Variants in ZCCHC14 observed in about 807,000 individuals in gnomAD.
ZCCHC14 encodes the protein zinc finger CCHC domain-containing protein 14.
In ZCCHC14, 16 loss-of-function variants were observed where a neutral mutation model predicts 85.0. The observed-to-expected ratio is 0.19, with a 90% CI of 0.13 to 0.29. The LOEUF (loss-of-function observed/expected upper bound fraction) is 0.29, where lower values mean the gene tolerates loss of function less well. ZCCHC14 is among the 10% of genes least tolerant of loss of function. The pLI, the probability that ZCCHC14 is intolerant of heterozygous loss-of-function variation, is 1.00. For missense variants in ZCCHC14, 1,303 were observed against 1,443.5 expected (o/e 0.90, Z 1.58); for synonymous variants, 775 against 630.7 (o/e 1.23, Z -3.43).
At position 87,410,115 on chromosome 16, in the gene ZCCHC14, C is replaced by G; in HGVS notation, c.*165G>C. The G allele has an allele frequency of 2.0e-6, 1 of 511,020 alleles. No individual in the cohort carries two copies. Among genetic ancestry groups the G allele is most frequent in the Non-Finnish European group, 3.5e-6 (1 of 288,090 alleles). 31.7% of individuals were successfully genotyped at this position (511,020 alleles called of 1,614,324 possible). On this transcript the variant is annotated 3_prime_UTR_variant, in exon 13 of 13. Transcript: ENST00000671377. ...CCAATCTAGGGTTTTGGCAATAAAT[C>G]GAGTTTGATGCACTTCTACGCTAGA...
intron 1 of ZCCHC14, among the ~76,000 whole-genome samples, chr16:87,488,642 T>C (rs954073683): frequency 3.3e-5 from 5 of 152,208 alleles, no homozygotes; most frequent in African/African-American, 1.2e-4. Context: ...AGTGGCATGA[T>C]CATACCTCAC....
intron 1 of ZCCHC14, among the ~76,000 whole-genome samples, chr16:87,461,890 CTAACAGATCCCACGCGGCT>C (rs1486622546): frequency 6.6e-6 from 1 of 152,242 alleles, no homozygotes; most frequent in Non-Finnish European, 1.5e-5. Flanking sequence ...GGGAGAGGGA[CTAACAGATCCCACGCGGCT>C]CAACAGATGC....
At chr16:87,446,182 A>G (rs1910428663) in intron 2 of ZCCHC14, among the ~76,000 whole-genome samples, 1 of 151,726 alleles carries the variant, frequency 6.6e-6, no homozygotes, top group Admixed American at 6.6e-5. Context: ...AAAAAAAAAA[A>G]AAGACTTAAA....
At chr16:87,424,396 C>A (rs183297177) in intron 3 of ZCCHC14, among the ~76,000 whole-genome samples, 4 of 152,272 alleles carry the variant, frequency 2.6e-5, no homozygotes, top group Non-Finnish European at 4.4e-5. Flanking sequence ...TTGATAGCAA[C>A]AGGACAGGGC....
Position 87,492,415 on chromosome 16 carries a change from C to G in ZCCHC14, c.-177G>C, listed in dbSNP as rs1176212122. ...CGGGCGCCGGGGCGGGGGCGGGGACCGGGGCCGGGCAAGGCTCCCGTCAGG... is the reference window on the plus strand; with the variant it reads ...CGGGCGCCGGGGCGGGGGCGGGGACGGGGGCCGGGCAAGGCTCCCGTCAGG... On this transcript the variant is annotated 5_prime_UTR_variant, in exon 1 of 13. Coordinates refer to ENST00000671377, the MANE Select transcript of ZCCHC14 (RefSeq NM_015144.3). This position sits in a 1 kb window ranked among gnomAD's most constrained non-coding sequence, Gnocchi z 6.7. The G allele has an allele frequency of 7.0e-6, 1 of 142,346 alleles. No individual in the cohort carries two copies. 8.8% of individuals were successfully genotyped at this position (142,346 alleles called of 1,614,324 possible).
chr16:87,440,410 C>A (rs1004448375), intron 2 of ZCCHC14, among the ~76,000 whole-genome samples: 4 of 152,150 alleles, frequency 2.6e-5, no homozygotes, highest in Non-Finnish European at 4.4e-5. Flanking sequence ...AGTGATCCAC[C>A]CACCTTGGCC....
rs536571551 is a variant in ZCCHC14, at chr16:87,420,445, G to A, written c.950+162C>T. On this transcript the variant is annotated intron_variant, in intron 5 of 12. Coordinates refer to ENST00000671377, the MANE Select transcript of ZCCHC14 (RefSeq NM_015144.3). The surrounding 1 kb of genome is among the most constrained non-coding windows in gnomAD (Gnocchi z 5.0). The stretch of plus-strand genomic sequence containing the variant: ...CACTCTCAGCTTACTGAGGGCTCCC[G>A]AATCCTCCAGAACTAATGGAAATCC... Among the ~76,000 whole-genome samples, 26 of 152,240 alleles carry A rather than the reference G, an allele frequency of 1.7e-4. No individual in the cohort carries two copies. Among genetic ancestry groups the A allele is most frequent in the Admixed American group, 3.3e-4 (5 of 15,294 alleles).
At chr16:87,485,777 G>A (rs1283095883) in intron 1 of ZCCHC14, among the ~76,000 whole-genome samples, 1 of 152,138 alleles carries the variant, frequency 6.6e-6, no homozygotes, top group Non-Finnish European at 1.5e-5. Flanking sequence ...GCTGGACTCT[G>A]AAGTTTTAAG....
rs373832070 is a variant in ZCCHC14 at position 87,428,114 on chromosome 16, C to G, written c.769-4233G>C. On this transcript the variant is annotated intron_variant, in intron 3 of 12. Coordinates refer to ENST00000671377, the MANE Select transcript of ZCCHC14 (RefSeq NM_015144.3). ...GTTTGATTTCCTCAGCAACGAGGAACTAGCGATTATAATTTCAGCAAAATC... is the reference window on the plus strand; with the variant it reads ...GTTTGATTTCCTCAGCAACGAGGAAGTAGCGATTATAATTTCAGCAAAATC... 7.2e-5 allele frequency among the ~76,000 whole-genome samples: 11 copies of G among 152,236 alleles called. No homozygotes were observed. In the East Asian group the frequency reaches 1.3e-3, roughly 19 times the overall value.
At chr16:87,444,617 G>A (rs749969718) in intron 2 of ZCCHC14, among the ~76,000 whole-genome samples, 2 of 152,190 alleles carry the variant, frequency 1.3e-5, no homozygotes, top group Admixed American at 1.3e-4. Flanking sequence ...TGAGAGCAGC[G>A]TAGCATGTTC....
At chr16:87,477,183 G>C (rs58867198) in intron 1 of ZCCHC14, among the ~76,000 whole-genome samples, 2,743 of 139,512 alleles carry the variant, frequency 0.02, 102 homozygotes, top group African/African-American at 0.074. Context: ...GAAAACACCA[G>C]ATGACACACT....
At position 87,409,957 on chromosome 16, in the gene ZCCHC14, G is replaced by A. The variant is rs970840357; in HGVS notation, c.*323C>T. ...CACGTGTAGCTGCCCTGGAATTGAC[G>A]TGTGAGCCTAGGAGGGCCAGTGATG... On this transcript the variant is annotated 3_prime_UTR_variant, in exon 13 of 13. Transcript: ENST00000671377. 2.3e-5 allele frequency: 5 copies of A among 216,616 alleles called. No individual in the cohort carries two copies. Among genetic ancestry groups the A allele is most frequent in the East Asian group, 9.8e-5 (1 of 10,198 alleles). The allele number at this position is 216,616 out of a possible 1,614,324, so 13.4% of individuals were successfully genotyped here.
At chr16:87,487,764 A>G (rs1174332156) in intron 1 of ZCCHC14, among the ~76,000 whole-genome samples, 2 of 152,274 alleles carry the variant, frequency 1.3e-5, no homozygotes. Flanking sequence ...ATGCGTGAGC[A>G]CAGCTCGGCC....
At chr16:87,429,886 C>A (rs1364570730) in intron 3 of ZCCHC14, among the ~76,000 whole-genome samples, 1 of 152,160 alleles carries the variant, frequency 6.6e-6, no homozygotes, top group African/African-American at 2.4e-5. Flanking sequence ...GCATTACAGG[C>A]GTGAGCCACC....
rs776078582 is a variant in ZCCHC14, at chr16:87,413,083, G to A, written c.1716C>T (p.Ser572=). Residue 572 remains serine, a synonymous_variant, in exon 11 of 13, where the codon AGC becomes AGT. Transcript: ENST00000671377. ...SPMGVQAREE[S]SDSAEENDRR... ...TGTCATTCTCCTCAGCGCTGTCGGA[G>A]CTCTCTTCCCGGGCCTGTACCCCCA... 1.2e-6 allele frequency: 2 copies of A among 1,614,126 alleles called. No individual in the cohort carries two copies. Among genetic ancestry groups the A allele is most frequent in the Non-Finnish European group, 1.7e-6 (2 of 1,180,030 alleles).
At chr16:87,427,278 A>G (rs1909419785) in intron 3 of ZCCHC14, among the ~76,000 whole-genome samples, 2 of 152,242 alleles carry the variant, frequency 1.3e-5, no homozygotes, top group Admixed American at 6.5e-5. Flanking sequence ...CTGAGGAATC[A>G]CTGGGCCCTC....
chr16:87,489,903 A>G (rs1395590798), intron 1 of ZCCHC14, among the ~76,000 whole-genome samples: 1 of 151,886 alleles, frequency 6.6e-6, no homozygotes, highest in African/African-American at 2.4e-5. Context: ...CTGTAGCAAC[A>G]GCCATAGAAA....
intron 1 of ZCCHC14, among the ~76,000 whole-genome samples, chr16:87,490,714 T>G (rs574292706): frequency 3.9e-5 from 6 of 152,244 alleles, no homozygotes; most frequent in Admixed American, 1.3e-4. Flanking sequence ...CACGGGCATT[T>G]AAGGCTCTGG....
intron 1 of ZCCHC14, among the ~76,000 whole-genome samples, chr16:87,486,222 C>T (rs1219275781): frequency 6.6e-6 from 1 of 152,178 alleles, no homozygotes; most frequent in Non-Finnish European, 1.5e-5. Flanking sequence ...AATACTACCA[C>T]CAAGAAAGCA....
Sources: allele counts gnomAD v4.1 joint callset (sites outside exome capture counted in the v4.1 genomes callset), GRCh38; gene constraint gnomAD v4.1.1; non-coding constraint Gnocchi (gnomAD v3.1); transcripts MANE v1.5; gene names NCBI Gene and HGNC (gene_info 2026-07-23, HGNC 2026-07-21).